PCMTD1: variants seen among roughly 807,000 people sequenced by gnomAD.
PCMTD1 encodes the protein protein-L-isoaspartate (D-aspartate) O-methyltransferase domain containing 1, also known as protein-L-isoaspartate O-methyltransferase domain-containing protein 1.
In PCMTD1, 12 loss-of-function variants were observed where a neutral mutation model predicts 37.6. The ratio of observed to expected loss-of-function variants is 0.32; its 90% confidence interval spans 0.20 to 0.52. The LOEUF is 0.52. Among genes scored for constraint, PCMTD1 ranks in the 20% least tolerant of loss-of-function variants. The pLI is 0.97. For synonymous variants in PCMTD1, 117 were observed against 135.8 expected, an observed-to-expected ratio of 0.86 and a Z score of 0.96; for missense variants, 235 against 421.3, an observed-to-expected ratio of 0.56 and a Z score of 3.87.
In PCMTD1 at chr8:51,861,205, T is replaced by G; in HGVS notation, c.-54A>C. On this transcript the variant is annotated 5_prime_UTR_variant, in exon 2 of 6. Coordinates refer to ENST00000522514, the MANE Select transcript of PCMTD1 (RefSeq NM_052937.4). ...AAAAGTGAAATAAAATTAGTAGAAA[T>G]GGCTTCCAATATTGCACTTGATTTC... The G allele has an allele frequency of 6.6e-7, 1 of 1,514,074 alleles. No individual in the cohort carries two copies. Among genetic ancestry groups the G allele is most frequent in the Non-Finnish European group, 8.9e-7 (1 of 1,129,838 alleles). 93.8% of individuals were successfully genotyped at this position (1,514,074 alleles called of 1,614,324 possible). A position where few individuals can be genotyped will look rare whatever the true frequency, so the allele number is the denominator to read the frequency against.
chr8:51,824,607 A>C (rs2037896497), intron 5 of PCMTD1, among the ~76,000 whole-genome samples: 1 of 152,200 alleles, frequency 6.6e-6, no homozygotes, highest in Non-Finnish European at 1.5e-5. Context: ...ATATCATGAA[A>C]ATGGCCATAC....
At chr8:51,876,542 T>A (rs1163609313) in intron 1 of PCMTD1, among the ~76,000 whole-genome samples, 1 of 152,186 alleles carries the variant, frequency 6.6e-6, no homozygotes, top group Non-Finnish European at 1.5e-5. Context: ...AATACTGTTC[T>A]CCTAGCCAAA....
chr8:51,824,888 T>C (rs1196878864), intron 5 of PCMTD1, among the ~76,000 whole-genome samples: 2 of 152,112 alleles, frequency 1.3e-5, no homozygotes, highest in Non-Finnish European at 2.9e-5. Flanking sequence ...GAAATAACAC[T>C]ACACATCTAC....
chr8:51,864,132 A>G (rs2038515916), intron 1 of PCMTD1, among the ~76,000 whole-genome samples: 2 of 152,196 alleles, frequency 1.3e-5, no homozygotes, highest in South Asian at 4.1e-4. Flanking sequence ...CAGACAAAAT[A>G]GACTTTAGGT....
chr8:51,846,265 G>A (rs1211507806), intron 2 of PCMTD1, among the ~76,000 whole-genome samples: 1 of 152,184 alleles, frequency 6.6e-6, no homozygotes. Context: ...CTAGCAGAAT[G>A]TGGCCATTGG....
Position 51,842,525 on chromosome 8 carries a change from T to A in PCMTD1, c.410+3136A>T, listed in dbSNP as rs1201094275. 2.0e-5 allele frequency among the ~76,000 whole-genome samples: 3 copies of A among 151,522 alleles called. No individual in the cohort carries two copies. The Admixed American group carries it at 2.0e-4, about 10-fold the overall frequency. On this transcript the variant is annotated intron_variant, in intron 3 of 5. Coordinates refer to ENST00000522514, the MANE Select transcript of PCMTD1 (RefSeq NM_052937.4). ...TTTTTGTAGAGACAGGGTTTTGCCA[T>A]CTTTGCCCAGACTGGTCTCAAACTC...
chr8:51,895,309 A>G (rs537849895), intron 1 of PCMTD1, among the ~76,000 whole-genome samples: 76 of 152,372 alleles, frequency 5.0e-4, no homozygotes, highest in South Asian at 2.3e-3. Context: ...AATGCTCATT[A>G]TAACTTTAGA....
chr8:51,839,089 A>G (rs2038108835), intron 3 of PCMTD1, among the ~76,000 whole-genome samples: 1 of 73,320 alleles, frequency 1.4e-5, no homozygotes, highest in Admixed American at 1.6e-4. Flanking sequence ...AATCATTTTT[A>G]TTCTTTGAAA....
chr8:51,896,902 A>G (rs1481805894), intron 1 of PCMTD1, among the ~76,000 whole-genome samples: 1 of 151,752 alleles, frequency 6.6e-6, no homozygotes, highest in Non-Finnish European at 1.5e-5. Flanking sequence ...AAAAAAAGCA[A>G]TGGGATCTTG....
Position 51,860,935 on chromosome 8 carries a change from T to C in PCMTD1, c.217A>G (p.Met73Val). 2 of 1,614,084 alleles carry C rather than the reference T, an allele frequency of 1.2e-6. No individual in the cohort carries two copies. Among genetic ancestry groups the C allele is most frequent in the Non-Finnish European group, 1.7e-6 (2 of 1,179,938 alleles). Residue 73 changes from methionine (M) to valine (V), a missense_variant, in exon 2 of 6, where the codon ATG (methionine) becomes GTG (valine). Met to Val is a conservative substitution (Grantham distance 21). This residue lies in a region of PCMTD1 where 183 missense variants were observed against 349.3 expected (regional missense o/e 0.52). Transcript: ENST00000522514. ...LSAPCIYSEV[M>V]EALKLQPGLS... ...CCTGGTTGAAGTTTCAATGCTTCCA[T>C]AACTTCAGAATAAATGCAAGGTGCT...
intron 3 of PCMTD1, among the ~76,000 whole-genome samples, chr8:51,838,928 G>GA (rs1303585090): frequency 6.6e-6 from 1 of 151,844 alleles, no homozygotes; most frequent in Non-Finnish European, 1.5e-5. Context: ...ATCTGAGAAG[G>GA]AAAAAAATGG....
In PCMTD1 at chr8:51,898,939, G is replaced by C. The variant is rs1288522291; in HGVS notation, c.-105C>G. 2.9e-6 allele frequency: 4 copies of C among 1,401,604 alleles called. No homozygotes were observed. Among genetic ancestry groups the C allele is most frequent in the South Asian group, 1.5e-5 (1 of 64,944 alleles). The allele number at this position is 1,401,604 out of a possible 1,614,324, so 86.8% of individuals were successfully genotyped here. On this transcript the variant is annotated 5_prime_UTR_variant, in exon 1 of 6. Transcript: ENST00000522514. ...CTGGCGGCGGCGTTACCTGTGGCGC[G>C]GGCAGCGGCGCGCAGGCCAGGCGCT...
intron 5 of PCMTD1, 145 bp from the exon 6 acceptor site, chr8:51,820,863 A>C: frequency 2.0e-6 from 2 of 987,652 alleles, no homozygotes; most frequent in Non-Finnish European, 2.8e-6. Context: ...CATCTAACAA[A>C]GGTTTTGGAG....
chr8:51,849,563 T>C (rs4873611), intron 2 of PCMTD1: 77,179 of 152,096 alleles, frequency 0.51, 23,686 homozygotes, highest in Non-Finnish European at 0.68. Flanking sequence ...AATACAGTTA[T>C]TAGAAATTCC....
chr8:51,818,117 T>C lies in PCMTD1; in HGVS notation c.*2234A>G, dbSNP rs1236042735. 2.8e-6 allele frequency: 1 copy of C among 355,848 alleles called. No homozygotes were observed. Among genetic ancestry groups the C allele is most frequent in the African/African-American group, 2.2e-5 (1 of 46,476 alleles). 22.0% of individuals were successfully genotyped at this position (355,848 alleles called of 1,614,324 possible). A position where few individuals can be genotyped will look rare whatever the true frequency, so the allele number is the denominator to read the frequency against. Reference sequence around the variant, plus strand: ...AAAAATAAACACAAACCCAAAATATTCTTATTCTAATATATCTGCATTAAT... The same window carrying C: ...AAAAATAAACACAAACCCAAAATATCCTTATTCTAATATATCTGCATTAAT... On this transcript the variant is annotated 3_prime_UTR_variant, in exon 6 of 6. Coordinates refer to ENST00000522514, the MANE Select transcript of PCMTD1 (RefSeq NM_052937.4).
At chr8:51,883,891 AT>A (rs2038827688) in intron 1 of PCMTD1, among the ~76,000 whole-genome samples, 1 of 152,238 alleles carries the variant, frequency 6.6e-6, no homozygotes. Flanking sequence ...TCCCGTGCAA[AT>A]AAACCCAAAC....
intron 2 of PCMTD1, among the ~76,000 whole-genome samples, chr8:51,851,579 A>G (rs980352107): frequency 2.0e-5 from 3 of 152,236 alleles, no homozygotes; most frequent in Admixed American, 6.5e-5. Context: ...AGCAAATTCA[A>G]TAAGCTGAGA....
chr8:51,844,743 G>C (rs1203330979), intron 3 of PCMTD1: 2 of 152,192 alleles, frequency 1.3e-5, no homozygotes. Context: ...CTTCAATCTA[G>C]ATCTTTCTAG....
At position 51,860,930 on chromosome 8, in the gene PCMTD1, T is replaced by C; in HGVS notation, c.222A>G (p.Glu74=). ...SAPCIYSEVM[E]ALKLQPGLSF... ...ACAATCCTGGTTGAAGTTTCAATGC[T>C]TCCATAACTTCAGAATAAATGCAAG... is the stretch of plus-strand genomic sequence containing the variant. The change falls in exon 2 of 6, where the codon GAA becomes GAG. Residue 74 remains glutamate (E), a synonymous_variant. Coordinates refer to ENST00000522514, the MANE Select transcript of PCMTD1 (RefSeq NM_052937.4). 2 of 1,614,058 alleles carry C rather than the reference T, an allele frequency of 1.2e-6. No homozygotes were observed. Among genetic ancestry groups the C allele is most frequent in the Non-Finnish European group, 1.7e-6 (2 of 1,179,928 alleles).
Sources: gnomAD v4.1 joint callset for allele counts (sites outside exome capture counted in the v4.1 genomes callset) on GRCh38, gnomAD v4.1.1 for gene constraint, gnomAD v4.1.1 regional missense constraint, MANE v1.5 for transcripts, NCBI Gene and HGNC (gene_info 2026-07-23, HGNC 2026-07-21) for gene names.